RYR3: variants seen among roughly 807,000 people sequenced by gnomAD.
The protein encoded by RYR3 is brain ryanodine receptor-calcium release channel.
RYR3 carries 207 observed loss-of-function variants against 584.3 expected under a neutral mutation model. The ratio of observed to expected loss-of-function variants is 0.35; its 90% confidence interval spans 0.32 to 0.40. The LOEUF (loss-of-function observed/expected upper bound fraction) is 0.40. Among genes scored for constraint, RYR3 ranks in the 10% least tolerant of loss-of-function variants. The pLI is 1.00. For missense variants in RYR3, 5,616 were observed against 6,089.2 expected, an observed-to-expected ratio of 0.92 and a Z score of 2.59; for synonymous variants, 2,416 against 2,248.5, an observed-to-expected ratio of 1.07 and a Z score of -2.11.
At position 33,566,663 on chromosome 15, in the gene RYR3, T is replaced by C; in HGVS notation, c.1147-15T>C. On this transcript the variant is annotated splice_polypyrimidine_tract_variant and intron_variant, in intron 11 of 103. Coordinates refer to ENST00000634891, the MANE Select transcript of RYR3 (RefSeq NM_001036.6). ...AATTGTAACCTAGAGCTCCCGTCCC[T>C]TGCCCTGTGGGTAGGTCATACTCCA... The C allele has an allele frequency of 6.2e-7, 1 of 1,613,428 alleles. No individual in the cohort carries two copies. Among genetic ancestry groups the C allele is most frequent in the Non-Finnish European group, 8.5e-7 (1 of 1,179,418 alleles).
intron 25 of RYR3, among the ~76,000 whole-genome samples, 156 bp from the exon 26 acceptor site, chr15:33,635,458 T>A (rs762294747): frequency 9.2e-5 from 14 of 152,222 alleles, no homozygotes; most frequent in African/African-American, 1.2e-4. Context: ...ATGATGACGA[T>A]CATCATGAAC....
At chr15:33,623,431 CTG>C (rs72133280) in intron 19 of RYR3, among the ~76,000 whole-genome samples, 36,217 of 152,048 alleles carry the variant, frequency 0.24, 5,462 homozygotes, top group East Asian at 0.55. Context: ...AGTTATCACA[CTG>C]TAATTTTTAT....
intron 101 of RYR3, 32 bp from the exon 102 acceptor site, chr15:33,861,046 C>T (rs1172137072): frequency 6.7e-7 from 1 of 1,482,066 alleles, no homozygotes; most frequent in Non-Finnish European, 9.3e-7. Flanking sequence ...ATTATGCCAA[C>T]AAATGCCTTT....
chr15:33,729,164 A>G (rs530805931), intron 47 of RYR3, 138 bp downstream of exon 47: 68 of 742,066 alleles, frequency 9.2e-5, no homozygotes, highest in South Asian at 7.2e-4. Flanking sequence ...AAATAGAGGT[A>G]TCATGAAATG....
intron 1 of RYR3, among the ~76,000 whole-genome samples, chr15:33,382,319 C>CTGTTTTTTTTTTTTT (rs2041247949): frequency 9.5e-6 from 1 of 104,780 alleles, no homozygotes; most frequent in African/African-American, 4.1e-5. Context: ...TTAAAAGTGG[C>CTGTTTTTTTTTTTTT]TTTTTTTTTT....
intron 10 of RYR3, among the ~76,000 whole-genome samples, chr15:33,557,531 C>T (rs1298651043): frequency 2.0e-5 from 3 of 152,070 alleles, no homozygotes; most frequent in East Asian, 1.9e-4. Context: ...ATTACAGGCA[C>T]GTACCAACGC....
At chr15:33,722,528 A>G in intron 43 of RYR3, 187 bp from the exon 44 acceptor site, 1 of 610,236 alleles carries the variant, frequency 1.6e-6, no homozygotes. Context: ...TTTATAACTA[A>G]CTGACCACAA....
intron 1 of RYR3, among the ~76,000 whole-genome samples, chr15:33,372,617 G>A (rs539396058): frequency 1.1e-4 from 17 of 151,990 alleles, no homozygotes; most frequent in South Asian, 2.1e-4. Context: ...CACCTGCCTC[G>A]GCCTCCCAAA....
At chr15:33,435,621 G>T (rs1322043361) in intron 1 of RYR3, among the ~76,000 whole-genome samples, 1 of 152,118 alleles carries the variant, frequency 6.6e-6, no homozygotes, top group East Asian at 1.9e-4. Context: ...CCTTCTCATG[G>T]GTTCTTGCTC....
intron 3 of RYR3, among the ~76,000 whole-genome samples, chr15:33,507,022 G>A (rs1021811953): frequency 1.3e-5 from 2 of 152,132 alleles, no homozygotes; most frequent in Non-Finnish European, 2.9e-5. Context: ...CTTTTAAATA[G>A]ACATTGCTTT....
intron 1 of RYR3, among the ~76,000 whole-genome samples, chr15:33,402,241 A>G (rs2042727426): frequency 6.6e-6 from 1 of 152,228 alleles, no homozygotes; most frequent in South Asian, 2.1e-4. Context: ...TCATACCTGC[A>G]TCTGTGGTTG....
At chr15:33,373,800 A>G (rs949644965) in intron 1 of RYR3, among the ~76,000 whole-genome samples, 21 of 152,226 alleles carry the variant, frequency 1.4e-4, no homozygotes, top group African/African-American at 4.3e-4. Context: ...AATGAGGGCT[A>G]CTGGAAGTAG....
At chr15:33,800,243 C>A (rs1466599977) in intron 67 of RYR3, among the ~76,000 whole-genome samples, 2 of 152,140 alleles carry the variant, frequency 1.3e-5, no homozygotes, top group Non-Finnish European at 2.9e-5. Context: ...TATTATCTTA[C>A]AAATTTCATT....
intron 1 of RYR3, among the ~76,000 whole-genome samples, chr15:33,456,945 G>T (rs2047611553): frequency 6.6e-6 from 1 of 152,112 alleles, no homozygotes; most frequent in African/African-American, 2.4e-5. Context: ...CTCAATTCCT[G>T]GGATGATAAA....
intron 38 of RYR3, among the ~76,000 whole-genome samples, chr15:33,679,670 TA>T (rs1325151109): frequency 6.6e-6 from 1 of 152,162 alleles, no homozygotes; most frequent in Non-Finnish European, 1.5e-5. Flanking sequence ...TAGCCAGAAC[TA>T]GAACAAAGGA....
At chr15:33,661,100 C>T (rs1036766190) in intron 34 of RYR3, among the ~76,000 whole-genome samples, 4 of 152,038 alleles carry the variant, frequency 2.6e-5, no homozygotes, top group Non-Finnish European at 5.9e-5. Context: ...TTAGGTGTCC[C>T]ATTGGGTCAC....
At chr15:33,736,919 TTG>T (rs1283653170) in intron 49 of RYR3, among the ~76,000 whole-genome samples, 1 of 152,052 alleles carries the variant, frequency 6.6e-6, no homozygotes, top group Non-Finnish European at 1.5e-5. Flanking sequence ...CAGCTAATTT[TTG>T]TGTGTTTGTT....
intron 3 of RYR3, among the ~76,000 whole-genome samples, chr15:33,505,518 G>A (rs1050593713): frequency 6.6e-6 from 1 of 152,212 alleles, no homozygotes; most frequent in East Asian, 1.9e-4. Flanking sequence ...TTGAGACGGA[G>A]TCTTGCTCTG....
rs116483889 is a variant in RYR3, at chr15:33,547,919, G to A, written c.741-211G>A. 5.3e-3 allele frequency among the ~76,000 whole-genome samples: 800 copies of A among 152,248 alleles called. 9 individuals carry two copies. The highest frequency in any genetic ancestry group is 0.018 in the African/African-American group (759 of 41,536). On this transcript the variant is annotated intron_variant, in intron 8 of 103. Transcript: ENST00000634891. The stretch of plus-strand genomic sequence containing the variant: ...TAAATGCCCATGATATGGATATGGT[G>A]AGCAGTTCCCTCCCCTCTAGCTGCT...
Sources: allele counts gnomAD v4.1 joint callset (sites outside exome capture counted in the v4.1 genomes callset), GRCh38; gene constraint gnomAD v4.1.1; transcripts MANE v1.5; gene names NCBI Gene and HGNC (gene_info 2026-07-23, HGNC 2026-07-21).